Variants in ITPK1 observed in about 807,000 individuals in gnomAD.
ITPK1 encodes inositol-tetrakisphosphate 1-kinase, also known as inositol 1,3,4-trisphosphate 5/6-kinase.
In ITPK1, 21 loss-of-function variants were observed where a neutral mutation model predicts 45.3. The ratio of observed to expected loss-of-function variants is 0.46; its 90% CI spans 0.33 to 0.67. The LOEUF is 0.67. Ranked by LOEUF, ITPK1 falls within the 30% of genes least tolerant of loss-of-function variation. The pLI is 0.02. For synonymous variants in ITPK1, 258 were observed against 253.6 expected, an observed-to-expected ratio of 1.02 and a Z score of -0.16; for missense variants, 474 against 573.5, an observed-to-expected ratio of 0.83 and a Z score of 1.77.
Position 93,023,266 on chromosome 14 carries a change from G to A in ITPK1, c.121-6465C>T, listed in dbSNP as rs75025507. Among the ~76,000 whole-genome samples, 372 of 152,336 alleles carry A rather than the reference G, an allele frequency of 2.4e-3. 10 individuals are homozygous for A. In the East Asian group the frequency reaches 0.065, roughly 27 times the overall value. On this transcript the variant is annotated intron_variant, in intron 3 of 10. Coordinates refer to ENST00000267615, the MANE Select transcript of ITPK1 (RefSeq NM_014216.6). ...GATCATGTGACTCGTTCTGGCCAAT[G>A]AGCTGTGAGTGAAAACAGAACATGC...
chr14:92,982,492 T>A (rs1172813790), intron 5 of ITPK1, among the ~76,000 whole-genome samples: 1 of 152,126 alleles, frequency 6.6e-6, no homozygotes, highest in Non-Finnish European at 1.5e-5. Flanking sequence ...GGGACCTCAG[T>A]CCTACAGCCA....
intron 5 of ITPK1, among the ~76,000 whole-genome samples, chr14:92,963,397 T>C (rs1885189881): frequency 6.6e-6 from 1 of 152,214 alleles, no homozygotes; most frequent in African/African-American, 2.4e-5. Flanking sequence ...AGGAGGAAAC[T>C]GGGGTCAGAG....
intron 3 of ITPK1, among the ~76,000 whole-genome samples, chr14:93,042,673 C>T (rs1034977869): frequency 1.3e-5 from 2 of 152,090 alleles, no homozygotes; most frequent in Admixed American, 1.3e-4. Flanking sequence ...GAGGGAGAAA[C>T]TGGTGGGCAA....
intron 4 of ITPK1, among the ~76,000 whole-genome samples, chr14:93,010,894 GCTGA>G (rs1172407873): frequency 1.3e-5 from 2 of 150,356 alleles, no homozygotes; most frequent in East Asian, 2.0e-4. Flanking sequence ...AGTAAGCGTG[GCTGA>G]CTGACCCTTA....
intron 2 of ITPK1, among the ~76,000 whole-genome samples, chr14:93,107,304 T>A (rs1215007123): frequency 6.6e-6 from 1 of 152,156 alleles, no homozygotes; most frequent in Non-Finnish European, 1.5e-5. Flanking sequence ...GTATAGGCAC[T>A]GGGGTTTCAG....
At chr14:93,033,754 G>C (rs1035050452) in intron 3 of ITPK1, among the ~76,000 whole-genome samples, 1 of 152,186 alleles carries the variant, frequency 6.6e-6, no homozygotes, top group African/African-American at 2.4e-5. Context: ...AACCAGGGAG[G>C]GTTTCTCCTG....
intron 2 of ITPK1, among the ~76,000 whole-genome samples, chr14:93,089,408 T>C (rs1891780047): frequency 6.6e-6 from 1 of 151,978 alleles, no homozygotes; most frequent in South Asian, 2.1e-4. Context: ...TCCTATGAAG[T>C]AGATTTCAGC....
chr14:93,053,034 G>A (rs918470189), intron 3 of ITPK1, among the ~76,000 whole-genome samples: 1 of 151,700 alleles, frequency 6.6e-6, no homozygotes, highest in Admixed American at 6.6e-5. Flanking sequence ...GTTAAATGAC[G>A]AGTTAATGGG....
intron 8 of ITPK1, among the ~76,000 whole-genome samples, chr14:92,953,576 G>A (rs1888060853): frequency 6.6e-6 from 1 of 152,220 alleles, no homozygotes; most frequent in African/African-American, 2.4e-5. Context: ...CCTGAGCTCA[G>A]GGCACCTTCC....
chr14:93,047,477 T>C (rs940103659), intron 3 of ITPK1, among the ~76,000 whole-genome samples: 2 of 152,150 alleles, frequency 1.3e-5, no homozygotes, highest in African/African-American at 4.8e-5. Context: ...CTAGTGTCCT[T>C]ATAGGAAAAG....
chr14:93,046,351 C>T (rs1029266354), intron 3 of ITPK1, among the ~76,000 whole-genome samples: 3 of 152,200 alleles, frequency 2.0e-5, no homozygotes, highest in African/African-American at 7.2e-5. Context: ...CGGGGCCCCA[C>T]GGTGGGGACA....
chr14:93,072,387 A>C (rs1371585703), intron 3 of ITPK1, among the ~76,000 whole-genome samples: 2 of 152,168 alleles, frequency 1.3e-5, no homozygotes, highest in Admixed American at 1.3e-4. Flanking sequence ...AATTTTTTGA[A>C]AAATTATTTC....
In ITPK1 at chr14:93,101,518, A is replaced by G. The variant is rs1255709682; in HGVS notation, c.95+13551T>C. The stretch of plus-strand genomic sequence containing the variant: ...CTTACTGACAAGGAAATTAAGGCCC[A>G]GAGAGGAGCTGAAACACACCCACAG... On this transcript the variant is annotated intron_variant, in intron 2 of 10. Transcript: ENST00000267615. Among the ~76,000 whole-genome samples the G allele has an allele frequency of 2.6e-5, 4 of 152,326 alleles. No homozygotes were observed. The East Asian group carries it at 7.7e-4, about 29-fold the overall frequency.
intron 5 of ITPK1, among the ~76,000 whole-genome samples, chr14:92,963,812 T>C (rs532318385): frequency 1.2e-4 from 18 of 152,368 alleles, no homozygotes; most frequent in African/African-American, 3.6e-4. Context: ...TTTGTTATTA[T>C]TGTTTCTTGT....
At position 92,940,761 on chromosome 14, in the gene ITPK1, C is replaced by T. The variant is rs1156809809; in HGVS notation, c.*800G>A. 1 of 1,289,084 alleles carries T rather than the reference C, an allele frequency of 7.8e-7. No individual in the cohort carries two copies. The highest frequency in any genetic ancestry group is 1.0e-6 in the Non-Finnish European group (1 of 988,776). The allele number at this position is 1,289,084 out of a possible 1,614,324, so 79.9% of individuals were successfully genotyped here. A position where few individuals can be genotyped will look rare whatever the true frequency, so the allele number is the denominator to read the frequency against. On this transcript the variant is annotated 3_prime_UTR_variant, in exon 11 of 11. Coordinates refer to ENST00000267615, the MANE Select transcript of ITPK1 (RefSeq NM_014216.6). ...GACCTGGAATGATTTGCCCAAATCACAGCACAAATCCTCAGCACAGGCGCC... is the reference window on the plus strand; with the variant it reads ...GACCTGGAATGATTTGCCCAAATCATAGCACAAATCCTCAGCACAGGCGCC...
rs1360833578 is a variant in ITPK1 at position 93,076,527 on chromosome 14, A to G, written c.120+68T>C. Reference sequence around the variant, plus strand: ...GTGCCCAATGCTGGAGGAGAGAAGGAGAGACAGAGAGGTGGGCACCAAGGG... The same window carrying G: ...GTGCCCAATGCTGGAGGAGAGAAGGGGAGACAGAGAGGTGGGCACCAAGGG... On this transcript the variant is annotated intron_variant, in intron 3 of 10. Transcript: ENST00000267615. The surrounding 1 kb of genome is among the most constrained non-coding windows in gnomAD (Gnocchi z 4.3). 1.5e-5 allele frequency: 23 copies of G among 1,545,448 alleles called. No homozygotes were observed. The highest frequency in any genetic ancestry group is 1.8e-5 in the Non-Finnish European group (20 of 1,118,638).
intron 2 of ITPK1, among the ~76,000 whole-genome samples, chr14:93,081,550 G>T (rs546747710): frequency 4.6e-5 from 7 of 152,320 alleles, no homozygotes; most frequent in Admixed American, 3.9e-4. Flanking sequence ...AGTCCAAGGA[G>T]CACGAACCCT....
At chr14:93,053,068 G>C (rs1391092849) in intron 3 of ITPK1, among the ~76,000 whole-genome samples, 7 of 151,942 alleles carry the variant, frequency 4.6e-5, no homozygotes, top group African/African-American at 1.7e-4. Flanking sequence ...CATGGCACAT[G>C]TATACATATG....
At chr14:93,113,893 G>A (rs1892840751) in intron 2 of ITPK1, among the ~76,000 whole-genome samples, 1 of 152,162 alleles carries the variant, frequency 6.6e-6, no homozygotes, top group South Asian at 2.1e-4. Context: ...GCTTGCACGG[G>A]GCAAAGGAGC....
Sources: allele counts gnomAD v4.1 joint callset (sites outside exome capture counted in the v4.1 genomes callset), GRCh38; gene constraint gnomAD v4.1.1; non-coding constraint Gnocchi (gnomAD v3.1); transcripts MANE v1.5; gene names NCBI Gene and HGNC (gene_info 2026-07-23, HGNC 2026-07-21).